The following TCF3 variants were observed in gnomAD, a reference collection of about 807,000 sequenced individuals.
TCF3 encodes transcription factor E2-alpha.
TCF3 carries 54 observed loss-of-function variants against 72.3 expected under a neutral mutation model. That is an observed-to-expected ratio of 0.75 (90% CI 0.60 to 0.94). TCF3 has a LOEUF of 0.94. Among genes scored for constraint, TCF3 ranks in the 40% least tolerant of loss-of-function variants. TCF3 has a pLI of 0.00. For synonymous variants in TCF3, 525 were observed against 412.6 expected (o/e 1.27, Z -3.30); for missense variants, 1,078 against 934.4 (o/e 1.15, Z -2.00).
At chr19:1,627,774 G>C (rs867576829) in intron 5 of TCF3, among the ~76,000 whole-genome samples, 1 of 139,938 alleles carries the variant, frequency 7.1e-6, no homozygotes, top group Non-Finnish European at 1.6e-5. Flanking sequence ...CAGAGCTCAC[G>C]GGGTGAGGTG....
intron 3 of TCF3, among the ~76,000 whole-genome samples, chr19:1,644,043 G>A (rs984958067): frequency 2.0e-5 from 3 of 152,212 alleles, no homozygotes; most frequent in Non-Finnish European, 4.4e-5. Context: ...GTTTGGGAAG[G>A]GATCCCACAG....
chr19:1,617,567 G>C (rs1208829208), intron 16 of TCF3, among the ~76,000 whole-genome samples: 1 of 152,236 alleles, frequency 6.6e-6, no homozygotes, highest in Admixed American at 6.5e-5. Flanking sequence ...CAAACCAGCT[G>C]CCATCCCCTG....
At position 1,610,540 on chromosome 19, in the gene TCF3, C is replaced by G. The variant is rs913075698; in HGVS notation, c.*1167G>C. ...TGAAGGACAGGGTGTCCAGGAGGTC[C>G]CCAGCACCGGGCTCCAGGGTGTGGT... is the stretch of plus-strand genomic sequence containing the variant. On this transcript the variant is annotated 3_prime_UTR_variant, in exon 19 of 19. Transcript: ENST00000262965. 4.3e-6 allele frequency: 1 copy of G among 231,652 alleles called. No individual in the cohort carries two copies. The highest frequency in any genetic ancestry group is 8.5e-6 in the Non-Finnish European group (1 of 117,168). 14.3% of individuals were successfully genotyped at this position (231,652 alleles called of 1,614,324 possible).
intron 2 of TCF3, among the ~76,000 whole-genome samples, chr19:1,648,751 G>C (rs2066519393): frequency 2.6e-5 from 4 of 151,984 alleles, no homozygotes; most frequent in Non-Finnish European, 5.9e-5. Flanking sequence ...ATAGGCGGGA[G>C]GGTTAAATTC....
intron 1 of TCF3, chr19:1,650,755 G>A (rs551303387): frequency 4.3e-6 from 1 of 231,192 alleles, no homozygotes; most frequent in South Asian, 1.8e-4. Flanking sequence ...CCCTCCCCCA[G>A]CAGATGGCAC....
chr19:1,625,602 C>A lies in TCF3; in HGVS notation c.473G>T (p.Arg158Leu). The A allele has an allele frequency of 6.3e-7, 1 of 1,584,862 alleles. No homozygotes were observed. The highest frequency in any genetic ancestry group is 8.6e-7 in the Non-Finnish European group (1 of 1,168,110). ...TAGGCTGCCGTCTGCCGCTCTCCGCCGGGAGCTGCCGGAGTAGGAGGGGTA... is the reference window on the plus strand; with the variant it reads ...TAGGCTGCCGTCTGCCGCTCTCCGCAGGGAGCTGCCGGAGTAGGAGGGGTA... ...QYYPSYSGSS[R>L]RRAADGSLDT... is the part of the protein sequence containing the mutation. Residue 158 changes from arginine (R) to leucine (L), a missense_variant, in exon 7 of 19, where the codon CGG (arginine) becomes CTG (leucine). Transcript: ENST00000262965.
chr19:1,629,293 G>C (rs2063394567), intron 5 of TCF3, among the ~76,000 whole-genome samples: 1 of 151,548 alleles, frequency 6.6e-6, no homozygotes, highest in South Asian at 2.1e-4. Context: ...GGGAGCCCCG[G>C]GGCCTGTGCA....
At chr19:1,612,044 T>A (rs1241146195) in intron 18 of TCF3, among the ~76,000 whole-genome samples, 195 bp from the exon 19 acceptor site, 1 of 142,250 alleles carries the variant, frequency 7.0e-6, no homozygotes, top group South Asian at 2.2e-4. Context: ...AAGAAGAGAG[T>A]GGGTATCAGG....
chr19:1,621,980 C>G lies in TCF3; in HGVS notation c.823-10G>C. On this transcript the variant is annotated splice_polypyrimidine_tract_variant and intron_variant, in intron 10 of 18. Transcript: ENST00000262965. ...CATGCAGCTGGTAGCCCTGGGGGGT[C>G]AGGCAGGAGGAGGGTGGGTTAGATG... The G allele has an allele frequency of 3.7e-6, 6 of 1,603,286 alleles. No individual in the cohort carries two copies. The highest frequency in any genetic ancestry group is 4.3e-6 in the Non-Finnish European group (5 of 1,175,414).
At chr19:1,642,964 G>A (rs535023808) in intron 3 of TCF3, among the ~76,000 whole-genome samples, 11 of 152,172 alleles carry the variant, frequency 7.2e-5, no homozygotes, top group Admixed American at 2.6e-4. Flanking sequence ...CAGAGAAAGC[G>A]ACGGGGAAAT....
At position 1,625,824 on chromosome 19, in the gene TCF3, T is replaced by TGCCCCTTCTGCCTGTC. The variant is rs1473939315; in HGVS notation, c.367-132_367-117dup. 8 of 1,240,136 alleles carry TGCCCCTTCTGCCTGTC rather than the reference T, an allele frequency of 6.5e-6. No individual in the cohort carries two copies. In the African/African-American group the frequency reaches 1.3e-4, roughly 20 times the overall value. The allele number at this position is 1,240,136 out of a possible 1,614,324, so 76.8% of individuals were successfully genotyped here. A position where few individuals can be genotyped will look rare whatever the true frequency, so the allele number is the denominator to read the frequency against. On this transcript the variant is annotated intron_variant, in intron 6 of 18. Coordinates refer to ENST00000262965, the MANE Select transcript of TCF3 (RefSeq NM_003200.5). Reference sequence around the variant, plus strand: ...CTCAGACCCGCCCTGCAGTGGGTGATGCCCCTTCTGCCTGTCACGGTGTTT... The same window carrying TGCCCCTTCTGCCTGTC: ...CTCAGACCCGCCCTGCAGTGGGTGATGCCCCTTCTGCCTGTCGCCCCTTCTGCCTGTCACGGTGTTT...
intron 3 of TCF3, among the ~76,000 whole-genome samples, chr19:1,640,550 G>A (rs755278080): frequency 3.3e-5 from 5 of 152,058 alleles, no homozygotes; most frequent in African/African-American, 4.8e-5. Flanking sequence ...TGTAAGCAGT[G>A]GCTCACACCT....
Position 1,619,101 on chromosome 19 carries a change from A to G in TCF3, c.1450+10T>C. The G allele has an allele frequency of 6.3e-7, 1 of 1,598,926 alleles. No individual in the cohort carries two copies. On this transcript the variant is annotated intron_variant, in intron 16 of 18. Transcript: ENST00000262965. Reference sequence around the variant, plus strand: ...CCAGGAGTCGGACAGTCCCAAGCTCAAGGGCTTACCACTGTAGGAGTCGGG... The same window carrying G: ...CCAGGAGTCGGACAGTCCCAAGCTCGAGGGCTTACCACTGTAGGAGTCGGG...
chr19:1,625,484 C>T lies in TCF3; in HGVS notation c.499+92G>A, dbSNP rs1405820018. 2.9e-6 allele frequency: 4 copies of T among 1,402,612 alleles called. No homozygotes were observed. In the African/African-American group the frequency reaches 6.1e-5, roughly 21 times the overall value. The allele number at this position is 1,402,612 out of a possible 1,614,324, so 86.9% of individuals were successfully genotyped here. ...GACCTGGAAGGTGCGGGGTCTGCTC[C>T]CTCTGGTGCCCTCAGCTAACGGGAA... On this transcript the variant is annotated intron_variant, in intron 7 of 18. Coordinates refer to ENST00000262965, the MANE Select transcript of TCF3 (RefSeq NM_003200.5).
At position 1,614,812 on chromosome 19, in the gene TCF3, G is replaced by A. The variant is rs1042645239; in HGVS notation, c.1822+473C>T. 3.3e-5 allele frequency among the ~76,000 whole-genome samples: 5 copies of A among 152,076 alleles called. No homozygotes were observed. The highest frequency in any genetic ancestry group is 1.2e-4 in the African/African-American group (5 of 41,412). ...CCTATCACCTTCAGATAGGGAAACT[G>A]AGTCAGAGACAGGGGATGGGCTCAT... On this transcript the variant is annotated intron_variant, in intron 18 of 18. Transcript: ENST00000262965. The surrounding 1 kb of genome is among the most constrained non-coding windows in gnomAD (Gnocchi z 5.6).
At chr19:1,633,212 C>T (rs1170642837) in intron 3 of TCF3, among the ~76,000 whole-genome samples, 2 of 152,242 alleles carry the variant, frequency 1.3e-5, no homozygotes, top group East Asian at 3.8e-4. Context: ...TCGGGGGCCA[C>T]AGAGCACACC....
chr19:1,631,862 C>A, intron 5 of TCF3, 176 bp downstream of exon 5: 1 of 1,493,314 alleles, frequency 6.7e-7, no homozygotes. Context: ...GGAGTCCGGG[C>A]CACGTCCCCT....
chr19:1,618,039 G>T (rs1037581104), intron 16 of TCF3, among the ~76,000 whole-genome samples: 1 of 152,124 alleles, frequency 6.6e-6, no homozygotes, highest in Non-Finnish European at 1.5e-5. Flanking sequence ...CCAGGACAGC[G>T]CCCACAATGA....
chr19:1,650,440 C>T (rs1799624907), intron 1 of TCF3, 153 bp from the exon 2 acceptor site: 2 of 592,252 alleles, frequency 3.4e-6, no homozygotes, highest in Admixed American at 3.1e-5. Context: ...GCACGGGGAG[C>T]CCTGGGAGCA....
Sources: allele counts gnomAD v4.1 joint callset (sites outside exome capture counted in the v4.1 genomes callset), GRCh38; gene constraint gnomAD v4.1.1; non-coding constraint Gnocchi (gnomAD v3.1); transcripts MANE v1.5; gene names NCBI Gene and HGNC (gene_info 2026-07-23, HGNC 2026-07-21).